The following COL4A2 variants were observed in gnomAD, a reference collection of about 807,000 sequenced individuals.
COL4A2 encodes the protein collagen alpha-2(IV) chain.
COL4A2 carries 99 observed loss-of-function variants against 200.2 expected under a neutral mutation model. The observed-to-expected ratio is 0.49, with a 90% CI of 0.42 to 0.58. The LOEUF (loss-of-function observed/expected upper bound fraction) is 0.58. COL4A2 is among the 20% of genes least tolerant of loss of function. The probability of loss-of-function intolerance (pLI) is 0.00; values close to 1 mark genes in which losing one functional copy is unlikely to be tolerated. For synonymous variants in COL4A2, 897 were observed against 900.6 expected (o/e 1.00, Z 0.07); for missense variants, 1,950 against 2,314.1 (o/e 0.84, Z 3.23).
chr13:110,441,416 C>G (rs1163407429), intron 16 of COL4A2, among the ~76,000 whole-genome samples: 1 of 152,232 alleles, frequency 6.6e-6, no homozygotes, highest in Non-Finnish European at 1.5e-5. Flanking sequence ...ATCTTGATGA[C>G]TTCCTGCAAC....
At chr13:110,340,309 GTT>G (rs1349413975) in intron 3 of COL4A2, among the ~76,000 whole-genome samples, 1 of 152,194 alleles carries the variant, frequency 6.6e-6, no homozygotes, top group South Asian at 2.1e-4. Context: ...TAGAGATGCG[GTT>G]TCACCATCTT....
chr13:110,467,131 C>G, intron 27 of COL4A2, 35 bp downstream of exon 27: 1 of 1,613,342 alleles, frequency 6.2e-7, no homozygotes, highest in Non-Finnish European at 8.5e-7. Context: ...TGCACCCAGC[C>G]TTCCTCCCAC....
At chr13:110,379,219 A>G (rs1261186877) in intron 4 of COL4A2, among the ~76,000 whole-genome samples, 2 of 152,188 alleles carry the variant, frequency 1.3e-5, no homozygotes, top group African/African-American at 4.8e-5. Flanking sequence ...GGACGCTGCT[A>G]CACATCCTAT....
intron 3 of COL4A2, among the ~76,000 whole-genome samples, chr13:110,330,297 T>C (rs1156347956): frequency 6.6e-6 from 1 of 152,076 alleles, no homozygotes; most frequent in Non-Finnish European, 1.5e-5. Context: ...AGGGGTAAGG[T>C]TTCGGGGCGA....
chr13:110,507,557 G>T, intron 46 of COL4A2: 1 of 262,378 alleles, frequency 3.8e-6, no homozygotes, highest in Non-Finnish European at 7.4e-6. Flanking sequence ...CTTCTGGGGT[G>T]GCTCCTTGGG....
chr13:110,363,962 A>G (rs1377413849), intron 4 of COL4A2, among the ~76,000 whole-genome samples: 1 of 152,122 alleles, frequency 6.6e-6, no homozygotes, highest in Non-Finnish European at 1.5e-5. Flanking sequence ...CGGCCTCCCA[A>G]AGTGCTGAGA....
At chr13:110,387,304 A>G (rs928332786) in intron 4 of COL4A2, among the ~76,000 whole-genome samples, 1 of 152,250 alleles carries the variant, frequency 6.6e-6, no homozygotes, top group African/African-American at 2.4e-5. Flanking sequence ...CATTAGCACA[A>G]TCACTATTTC....
At chr13:110,356,122 T>G (rs1877254330) in intron 3 of COL4A2, among the ~76,000 whole-genome samples, 1 of 152,194 alleles carries the variant, frequency 6.6e-6, no homozygotes, top group South Asian at 2.1e-4. Context: ...ATCTTTGATC[T>G]GAATGTTGAG....
chr13:110,363,458 G>T (rs528398677), intron 4 of COL4A2, among the ~76,000 whole-genome samples: 1 of 152,268 alleles, frequency 6.6e-6, no homozygotes, highest in South Asian at 2.1e-4. Flanking sequence ...AAAGAAACCA[G>T]AGAGAAACTG....
intron 4 of COL4A2, among the ~76,000 whole-genome samples, chr13:110,397,434 T>A (rs965782125): frequency 1.3e-5 from 2 of 152,282 alleles, no homozygotes; most frequent in African/African-American, 4.8e-5. Context: ...GAGCACTTTT[T>A]AAATGAATTT....
intron 21 of COL4A2, chr13:110,457,717 G>C: frequency 1.7e-6 from 1 of 592,640 alleles, no homozygotes; most frequent in Non-Finnish European, 3.3e-6. Flanking sequence ...GCTGAGTCCT[G>C]TGCTGGGTTA....
At chr13:110,484,185 G>A (rs549864677) in intron 32 of COL4A2, among the ~76,000 whole-genome samples, 39 of 152,212 alleles carry the variant, frequency 2.6e-4, no homozygotes, top group African/African-American at 9.2e-4. Flanking sequence ...GTTAACCATG[G>A]GGGTGTCTGT....
chr13:110,330,906 G>A (rs1487308212), intron 3 of COL4A2, among the ~76,000 whole-genome samples: 1 of 152,102 alleles, frequency 6.6e-6, no homozygotes, highest in Non-Finnish European at 1.5e-5. Flanking sequence ...CAGACTATTA[G>A]GCTGCTGGGG....
chr13:110,359,315 T>C (rs1877419148), intron 4 of COL4A2, among the ~76,000 whole-genome samples: 1 of 152,234 alleles, frequency 6.6e-6, no homozygotes. Flanking sequence ...TGAGTCTTGG[T>C]GTTACTTGGT....
chr13:110,321,715 G>A (rs138331100), intron 3 of COL4A2, among the ~76,000 whole-genome samples: 15 of 152,294 alleles, frequency 9.8e-5, no homozygotes, highest in African/African-American at 3.6e-4. Flanking sequence ...ACATTTCCAC[G>A]TGGCTGGAGA....
intron 3 of COL4A2, among the ~76,000 whole-genome samples, chr13:110,317,443 G>A (rs1421856093): frequency 6.6e-6 from 1 of 152,144 alleles, no homozygotes; most frequent in Admixed American, 6.5e-5. Flanking sequence ...TTTCTTCATG[G>A]GAGCAGCCAA....
At chr13:110,387,831 C>T (rs1315288050) in intron 4 of COL4A2, among the ~76,000 whole-genome samples, 3 of 152,086 alleles carry the variant, frequency 2.0e-5, no homozygotes, top group East Asian at 1.9e-4. Context: ...AGAGCCACCT[C>T]GGCCTCCACC....
intron 23 of COL4A2, 33 bp downstream of exon 23, chr13:110,462,219 G>A (rs779393349): frequency 1.2e-6 from 2 of 1,614,260 alleles, no homozygotes. Flanking sequence ...GGCCCCTGGG[G>A]CACTGAGCCT....
At chr13:110,363,075 G>A (rs896932127) in intron 4 of COL4A2, among the ~76,000 whole-genome samples, 5 of 152,276 alleles carry the variant, frequency 3.3e-5, no homozygotes, top group Middle Eastern at 6.8e-3. Context: ...GGATAACTCC[G>A]TGTTGGGAAT....
Sources: allele counts gnomAD v4.1 joint callset (sites outside exome capture counted in the v4.1 genomes callset), GRCh38; gene constraint gnomAD v4.1.1; transcripts MANE v1.5; gene names NCBI Gene and HGNC (gene_info 2026-07-23, HGNC 2026-07-21).